The following USH2A variants were observed in gnomAD, a reference collection of about 807,000 sequenced individuals.
USH2A encodes the protein Usher syndrome 2A (autosomal recessive, mild).
USH2A carries 443 observed loss-of-function variants against 538.9 expected under a neutral mutation model. The ratio of observed to expected loss-of-function variants is 0.82; its 90% CI spans 0.76 to 0.89. The LOEUF (loss-of-function observed/expected upper bound fraction) is 0.89. USH2A is among the 40% of genes least tolerant of loss of function. The pLI, the probability that USH2A is intolerant of heterozygous loss-of-function variation, is 0.00. For missense variants in USH2A, 6,633 were observed against 6,324.8 expected (o/e 1.05, Z -1.65); for synonymous variants, 2,413 against 2,273.5 (o/e 1.06, Z -1.75).
chr1:216,064,685 G>T lies in USH2A; in HGVS notation c.6049+5416C>A, dbSNP rs554001547. Among the ~76,000 whole-genome samples the T allele has an allele frequency of 5.8e-4, 88 of 151,924 alleles. 1 individual carries two copies. The highest frequency in any genetic ancestry group is 2.0e-3 in the African/African-American group (84 of 41,380). On this transcript the variant is annotated intron_variant, in intron 30 of 71. Transcript: ENST00000307340. ...TTTTACTATACCTTTTCTGTGTTTTGATCTGTTTAGATACACAAATACTTA... is the reference window on the plus strand; with the variant it reads ...TTTTACTATACCTTTTCTGTGTTTTTATCTGTTTAGATACACAAATACTTA...
rs1191150263 is a variant in USH2A, at chr1:216,045,616, T to TG, written c.6325+814dup. Among the ~76,000 whole-genome samples the TG allele has an allele frequency of 3.9e-5, 6 of 152,294 alleles. No homozygotes were observed. The East Asian group carries it at 1.2e-3, about 29-fold the overall frequency. The stretch of plus-strand genomic sequence containing the variant: ...AGAGGCATTTATTTGATGATGTCAT[T>TG]GATCCAACTGGACACTGTGAGCCTG... On this transcript the variant is annotated intron_variant, in intron 32 of 71. Transcript: ENST00000307340.
chr1:216,305,546 C>A (rs1157984796), intron 9 of USH2A, among the ~76,000 whole-genome samples: 3 of 151,894 alleles, frequency 2.0e-5, no homozygotes, highest in African/African-American at 7.3e-5. Context: ...CCTTTCTATT[C>A]ATCATGCTAT....
intron 60 of USH2A, among the ~76,000 whole-genome samples, chr1:215,735,796 C>G (rs962457083): frequency 6.6e-6 from 1 of 152,082 alleles, no homozygotes; most frequent in Non-Finnish European, 1.5e-5. Flanking sequence ...AACCATGAAC[C>G]TCTTTCATTG....
At chr1:215,990,602 A>T (rs1255912814) in intron 35 of USH2A, among the ~76,000 whole-genome samples, 1 of 152,146 alleles carries the variant, frequency 6.6e-6, no homozygotes, top group Non-Finnish European at 1.5e-5. Context: ...GCATAGAAAC[A>T]GTTCACATAG....
chr1:215,674,133 G>A lies in USH2A; in HGVS notation c.13778C>T (p.Ser4593Leu), dbSNP rs1202573136. 16 of 1,613,918 alleles carry A rather than the reference G, an allele frequency of 9.9e-6. No individual in the cohort carries two copies. The highest frequency in any genetic ancestry group is 1.4e-5 in the Non-Finnish European group (16 of 1,180,002). Residue 4593 changes from serine (S) to leucine (L), a missense_variant, in exon 63 of 72, where the codon TCA becomes TTA. Ser to Leu is a moderately radical substitution (Grantham distance 145). Coordinates refer to ENST00000307340, the MANE Select transcript of USH2A (RefSeq NM_206933.4). Reference protein sequence around the residue: ...NTTHNSFGMQSYIVNQLKPFH... With the variant: ...NTTHNSFGMQLYIVNQLKPFH... ...TGGCTTCAGCTGGTTTACTATATATGACTGCATACCAAAAGAATTATGAGT... is the reference window on the plus strand; with the variant it reads ...TGGCTTCAGCTGGTTTACTATATATAACTGCATACCAAAAGAATTATGAGT...
rs915667707 is a variant in USH2A, at chr1:215,962,103, T to C, written c.7120+3214A>G. On this transcript the variant is annotated intron_variant, in intron 37 of 71. Transcript: ENST00000307340. ...ACTAATTCCTAATAACTACTCAAGA[T>C]ACTGTGAAATAGCTACCATTTTTAA... Among the ~76,000 whole-genome samples, 65 of 152,036 alleles carry C rather than the reference T, an allele frequency of 4.3e-4. 1 individual carries two copies. The highest frequency in any genetic ancestry group is 1.6e-3 in the African/African-American group (65 of 41,430).
At chr1:215,667,955 T>C (rs1422804827) in intron 64 of USH2A, among the ~76,000 whole-genome samples, 1 of 152,034 alleles carries the variant, frequency 6.6e-6, no homozygotes, top group Non-Finnish European at 1.5e-5. Flanking sequence ...CCCCAGCTGA[T>C]ACTTGCAAGG....
At chr1:215,957,843 A>G (rs934978342) in intron 37 of USH2A, among the ~76,000 whole-genome samples, 2 of 152,166 alleles carry the variant, frequency 1.3e-5, no homozygotes, top group Admixed American at 1.3e-4. Context: ...ACAAGCAACT[A>G]CAAAGTTCTC....
intron 61 of USH2A, among the ~76,000 whole-genome samples, chr1:215,722,551 A>G (rs963678471): frequency 6.6e-6 from 1 of 152,184 alleles, no homozygotes; most frequent in Admixed American, 6.5e-5. Flanking sequence ...TATCTACTTA[A>G]TGGTAAAGAT....
intron 35 of USH2A, among the ~76,000 whole-genome samples, chr1:215,990,075 T>C (rs953919446): frequency 2.6e-5 from 4 of 152,196 alleles, no homozygotes; most frequent in African/African-American, 9.6e-5. Context: ...AAGTCTATCT[T>C]ATTCTCCAAT....
chr1:216,243,532 G>A (rs1476606001), intron 13 of USH2A, among the ~76,000 whole-genome samples: 2 of 152,062 alleles, frequency 1.3e-5, no homozygotes, highest in African/African-American at 2.4e-5. Flanking sequence ...TTTGCAGTGA[G>A]GTATGGATAT....
At chr1:216,306,113 C>A (rs1322208648) in intron 9 of USH2A, among the ~76,000 whole-genome samples, 1 of 152,074 alleles carries the variant, frequency 6.6e-6, no homozygotes, top group Non-Finnish European at 1.5e-5. Flanking sequence ...ATTTTCCAAA[C>A]GTTTAGATTT....
chr1:215,737,760 T>G (rs1012164556), intron 60 of USH2A, among the ~76,000 whole-genome samples: 1 of 152,062 alleles, frequency 6.6e-6, no homozygotes, highest in South Asian at 2.1e-4. Flanking sequence ...TCAAAATTCC[T>G]TTGCCTTTGA....
At chr1:216,104,790 GC>G (rs1203066224) in intron 21 of USH2A, among the ~76,000 whole-genome samples, 3 of 152,200 alleles carry the variant, frequency 2.0e-5, no homozygotes, top group African/African-American at 7.2e-5. Flanking sequence ...AACACAAAAA[GC>G]AATGGCAACA....
chr1:215,626,309 AT>A (rs1656022193), intron 71 of USH2A, among the ~76,000 whole-genome samples: 1 of 150,072 alleles, frequency 6.7e-6, no homozygotes, highest in Non-Finnish European at 1.5e-5. Context: ...CTATATATAT[AT>A]ATGTATGTAT....
At chr1:215,899,639 A>G (rs746620723) in intron 40 of USH2A, among the ~76,000 whole-genome samples, 1 of 152,188 alleles carries the variant, frequency 6.6e-6, no homozygotes, top group Admixed American at 6.5e-5. Context: ...TATGAGTAGA[A>G]GCAGGAAAAT....
intron 21 of USH2A, among the ~76,000 whole-genome samples, chr1:216,163,375 G>A (rs916797690): frequency 6.6e-6 from 1 of 151,886 alleles, no homozygotes; most frequent in African/African-American, 2.4e-5. Context: ...CTGGATATAT[G>A]CATATATATC....
At chr1:215,797,976 C>T (rs558580979) in intron 50 of USH2A, among the ~76,000 whole-genome samples, 1 of 152,182 alleles carries the variant, frequency 6.6e-6, no homozygotes. Flanking sequence ...TAAGAATATT[C>T]ATGATTCATG....
At chr1:215,743,957 G>A (rs1198477373) in intron 58 of USH2A, among the ~76,000 whole-genome samples, 1 of 151,984 alleles carries the variant, frequency 6.6e-6, no homozygotes, top group Non-Finnish European at 1.5e-5. Context: ...ATTTTTAAAA[G>A]CATAATATTT....
Sources: allele counts gnomAD v4.1 joint callset (sites outside exome capture counted in the v4.1 genomes callset), GRCh38; gene constraint gnomAD v4.1.1; transcripts MANE v1.5; gene names NCBI Gene and HGNC (gene_info 2026-07-23, HGNC 2026-07-21).